LRFN5: variants seen among roughly 807,000 people sequenced by gnomAD.
The protein encoded by LRFN5 is leucine rich repeat and fibronectin type III domain containing 5.
A neutral mutation model predicts 45.6 loss-of-function variants in LRFN5; 24 were observed. The observed-to-expected ratio is 0.53, with a 90% CI of 0.38 to 0.74. The LOEUF is 0.74. Among genes scored for constraint, LRFN5 ranks in the 30% least tolerant of loss-of-function variants. LRFN5 has a pLI of 0.00. For missense variants in LRFN5, 776 were observed against 861.5 expected (o/e 0.90, Z 1.24); for synonymous variants, 340 against 313.8 (o/e 1.08, Z -0.88).
intron 2 of LRFN5, among the ~76,000 whole-genome samples, chr14:41,853,231 A>G (rs927145548): frequency 1.4e-4 from 21 of 151,952 alleles, no homozygotes; most frequent in Admixed American, 7.9e-4. Context: ...ATCAATGCAT[A>G]TTTTATTCAT....
At chr14:41,665,023 T>G (rs896182737) in intron 1 of LRFN5, among the ~76,000 whole-genome samples, 1 of 152,098 alleles carries the variant, frequency 6.6e-6, no homozygotes, top group Non-Finnish European at 1.5e-5. Context: ...TCTAAAATGC[T>G]TATTTTCTTC....
intron 2 of LRFN5, among the ~76,000 whole-genome samples, chr14:41,865,466 A>T (rs188826103): frequency 2.6e-5 from 4 of 152,204 alleles, no homozygotes; most frequent in Non-Finnish European, 5.9e-5. Context: ...TAATCCATTC[A>T]TCAGCCGATA....
At chr14:41,689,274 A>G (rs144922958) in intron 1 of LRFN5, among the ~76,000 whole-genome samples, 57 of 152,270 alleles carry the variant, frequency 3.7e-4, no homozygotes, top group Non-Finnish European at 6.8e-4. Flanking sequence ...TAAATGAAAT[A>G]GAAAACAGAA....
chr14:41,675,927 T>G (rs1054505217), intron 1 of LRFN5, among the ~76,000 whole-genome samples: 1 of 152,176 alleles, frequency 6.6e-6, no homozygotes, highest in Admixed American at 6.5e-5. Flanking sequence ...ACAATAACTT[T>G]ATAAAAACAG....
At chr14:41,778,612 G>A (rs1886375838) in intron 2 of LRFN5, among the ~76,000 whole-genome samples, 1 of 151,700 alleles carries the variant, frequency 6.6e-6, no homozygotes, top group African/African-American at 2.4e-5. Context: ...TAAAACTCAT[G>A]TACACTTTAA....
intron 1 of LRFN5, among the ~76,000 whole-genome samples, chr14:41,635,600 GA>G (rs990417317): frequency 2.0e-5 from 3 of 152,074 alleles, no homozygotes; most frequent in Non-Finnish European, 4.4e-5. Context: ...TAGGAATCCA[GA>G]AAAATATCAC....
chr14:41,891,593 C>G lies in LRFN5; in HGVS notation c.1729C>G (p.Gln577Glu). Residue 577 changes from glutamine to glutamate, a missense_variant, in exon 4 of 6, where the codon CAA (glutamine) becomes GAA (glutamate). Transcript: ENST00000298119. The part of the protein sequence containing the change: ...SNVYSQTNGA[Q>E]IQGCSVTLPQ... ...TGTTTATTCCCAAACTAACGGGGCT[C>G]AAATACAAGGCTGTAGTGTAACGCT... is the stretch of plus-strand genomic sequence containing the variant. The G allele has an allele frequency of 6.2e-7, 1 of 1,614,142 alleles. No homozygotes were observed. The highest frequency in any genetic ancestry group is 8.5e-7 in the Non-Finnish European group (1 of 1,180,024).
chr14:41,727,604 C>T (rs114230445), intron 1 of LRFN5, among the ~76,000 whole-genome samples: 1,792 of 151,724 alleles, frequency 0.012, 35 homozygotes, highest in African/African-American at 0.04. Flanking sequence ...CCAACATAGA[C>T]GAAAGAGTGA....
At chr14:41,647,378 G>C (rs182788429) in intron 1 of LRFN5, among the ~76,000 whole-genome samples, 5 of 152,162 alleles carry the variant, frequency 3.3e-5, no homozygotes, top group Non-Finnish European at 7.4e-5. Flanking sequence ...TTTTATAAAT[G>C]TTACATCTCA....
chr14:41,697,580 T>C (rs1019984591), intron 1 of LRFN5, among the ~76,000 whole-genome samples: 5 of 151,732 alleles, frequency 3.3e-5, no homozygotes, highest in Non-Finnish European at 7.4e-5. Flanking sequence ...GATTGACTTG[T>C]CCATATTAAG....
At chr14:41,640,001 T>C (rs951851452) in intron 1 of LRFN5, among the ~76,000 whole-genome samples, 15 of 145,892 alleles carry the variant, frequency 1.0e-4, no homozygotes, top group Non-Finnish European at 1.8e-4. Context: ...GATCTCCCTA[T>C]ATTGCATAGG....
intron 2 of LRFN5, among the ~76,000 whole-genome samples, chr14:41,830,222 CCATACAA>C (rs1177589665): frequency 1.3e-5 from 2 of 151,406 alleles, no homozygotes; most frequent in African/African-American, 4.8e-5. Context: ...GTTATGTAGC[CCATACAA>C]CTTTTCATGT....
chr14:41,891,155 G>A lies in LRFN5; in HGVS notation c.1386-95G>A, dbSNP rs1890765468. 1.2e-5 allele frequency: 11 copies of A among 903,596 alleles called. No homozygotes were observed. In the South Asian group the frequency reaches 1.4e-4, roughly 12 times the overall value. 56.0% of individuals were successfully genotyped at this position (903,596 alleles called of 1,614,324 possible). ...TTCATATGTTATAAATGTACTTAAT[G>A]ATACTGAAATGACACTGAACTAAAG... On this transcript the variant is annotated intron_variant, in intron 3 of 5. Transcript: ENST00000298119.
At chr14:41,815,048 A>G (rs1293379136) in intron 2 of LRFN5, among the ~76,000 whole-genome samples, 5 of 152,166 alleles carry the variant, frequency 3.3e-5, no homozygotes, top group Admixed American at 2.0e-4. Context: ...GATGTCCATT[A>G]TATCCAGTTG....
intron 1 of LRFN5, among the ~76,000 whole-genome samples, chr14:41,719,275 G>C (rs1883615788): frequency 6.6e-6 from 1 of 151,898 alleles, no homozygotes; most frequent in African/African-American, 2.4e-5. Context: ...GTTCCATTTA[G>C]GCTTTCCATT....
intron 1 of LRFN5, among the ~76,000 whole-genome samples, chr14:41,631,941 A>C (rs1413865414): frequency 2.0e-5 from 3 of 152,144 alleles, no homozygotes; most frequent in Non-Finnish European, 4.4e-5. Flanking sequence ...TTTTGAGCAG[A>C]GGCATGACCT....
At chr14:41,694,728 C>T (rs748942094) in intron 1 of LRFN5, among the ~76,000 whole-genome samples, 4 of 151,794 alleles carry the variant, frequency 2.6e-5, no homozygotes, top group Non-Finnish European at 5.9e-5. Context: ...GTAATTCATA[C>T]AATATTTCAA....
intron 4 of LRFN5, 97 bp downstream of exon 4, chr14:41,892,059 C>T (rs1890805469): frequency 2.0e-6 from 3 of 1,505,854 alleles, no homozygotes; most frequent in South Asian, 2.6e-5. Flanking sequence ...ATTAACTCGC[C>T]GAACACATGT....
intron 2 of LRFN5, among the ~76,000 whole-genome samples, chr14:41,871,189 A>G (rs1006930990): frequency 1.3e-5 from 2 of 152,184 alleles, no homozygotes; most frequent in African/African-American, 4.8e-5. Context: ...ATCTCATTAA[A>G]AAAAATGCTT....
Sources: allele counts gnomAD v4.1 joint callset (sites outside exome capture counted in the v4.1 genomes callset), GRCh38; gene constraint gnomAD v4.1.1; transcripts MANE v1.5; gene names NCBI Gene and HGNC (gene_info 2026-07-23, HGNC 2026-07-21).